Variants in USP2 observed in about 807,000 individuals in gnomAD.
USP2 encodes ubiquitin specific peptidase 2, also known as ubiquitin carboxyl-terminal hydrolase 2.
A neutral mutation model predicts 72.0 loss-of-function variants in USP2; 33 were observed. The ratio of observed to expected loss-of-function variants is 0.46; its 90% CI spans 0.35 to 0.61. The LOEUF (loss-of-function observed/expected upper bound fraction) is 0.61, where lower values mean the gene tolerates loss of function less well. USP2 is among the 20% of genes least tolerant of loss of function. USP2 has a pLI of 0.01. For missense variants in USP2, 691 were observed against 797.8 expected (o/e 0.87, Z 1.61); for synonymous variants, 296 against 312.5 (o/e 0.95, Z 0.56).
chr11:119,379,142 A>G, intron 1 of USP2: 2 of 985,474 alleles, frequency 2.0e-6, no homozygotes, highest in Non-Finnish European at 2.4e-6. Context: ...ACTCCGATAT[A>G]TATAGTATCT....
chr11:119,372,636 C>T (rs1177658448), intron 2 of USP2, 71 bp downstream of exon 2: 39 of 1,434,944 alleles, frequency 2.7e-5, no homozygotes, highest in Non-Finnish European at 3.4e-5. Flanking sequence ...GGGAGTCGAG[C>T]CCTCAGCCTG....
chr11:119,359,158 A>G (rs1950721658), intron 5 of USP2, 24 bp from the exon 6 acceptor site: 2 of 1,613,242 alleles, frequency 1.2e-6, no homozygotes, highest in South Asian at 2.2e-5. Context: ...AAGGAGGGTG[A>G]GCAACACCTC....
rs761543830 is a variant in USP2, at chr11:119,358,813, C to T, written c.1197G>A (p.Met399Ile). ...CTTCCCGTTCTAGATATTTTCTCCA[C>T]ATCTGTCGGCCTTTCTCGTCATCAC... ...HLPDDEKGRQ[M>I]WRKYLEREDS... The change falls in exon 7 of 13, where the codon ATG (methionine) becomes ATA (isoleucine). Residue 399 changes from methionine to isoleucine, a missense_variant. Transcript: ENST00000260187. 1.9e-6 allele frequency: 3 copies of T among 1,614,108 alleles called. No homozygotes were observed. Among genetic ancestry groups the T allele is most frequent in the South Asian group, 1.1e-5 (1 of 91,086 alleles).
intron 1 of USP2, among the ~76,000 whole-genome samples, chr11:119,374,746 G>A (rs980531350): frequency 3.3e-5 from 5 of 152,148 alleles, no homozygotes; most frequent in African/African-American, 7.2e-5. Flanking sequence ...GGCATCAGGG[G>A]CTCTTGGGGG....
Position 119,381,499 on chromosome 11 carries a change from T to G in USP2, c.-68A>C. ...TGCCTCTTCTTGGAGTATGGACGAG[T>G]CGAACCGGGCACAAGCATGGAGCTG... On this transcript the variant is annotated 5_prime_UTR_variant, in exon 1 of 13. Coordinates refer to ENST00000260187, the MANE Select transcript of USP2 (RefSeq NM_004205.5). The G allele has an allele frequency of 6.5e-7, 1 of 1,535,972 alleles. No individual in the cohort carries two copies. Among genetic ancestry groups the G allele is most frequent in the South Asian group, 1.2e-5 (1 of 84,050 alleles).
chr11:119,360,465 C>T lies in USP2; in HGVS notation c.775-231G>A, dbSNP rs539326366. The T allele has an allele frequency of 2.2e-5, 13 of 588,012 alleles. 1 individual carries two copies. The East Asian group carries it at 2.5e-4, about 11-fold the overall frequency. 36.4% of individuals were successfully genotyped at this position (588,012 alleles called of 1,614,324 possible). ...TTGAGACGGAATCTCACGCTGTCACCCAGGCTGGAGTGCAGTGGTACGATC... is the reference window on the plus strand; with the variant it reads ...TTGAGACGGAATCTCACGCTGTCACTCAGGCTGGAGTGCAGTGGTACGATC... On this transcript the variant is annotated intron_variant, in intron 2 of 12. Transcript: ENST00000260187.
chr11:119,367,866 G>A lies in USP2; in HGVS notation c.774+4841C>T, dbSNP rs543893737. On this transcript the variant is annotated intron_variant, in intron 2 of 12. Transcript: ENST00000260187. ...TTCTGCAGCTGGTGGTCAGTGGAGC[G>A]GCTCCCCCAGGGGCAAGGAACATTT... is the stretch of plus-strand genomic sequence containing the variant. 5.3e-5 allele frequency among the ~76,000 whole-genome samples: 8 copies of A among 152,294 alleles called. No individual in the cohort carries two copies. In the South Asian group the frequency reaches 8.3e-4, roughly 16 times the overall value.
At position 119,358,820 on chromosome 11, in the gene USP2, C is replaced by A. The variant is rs764894922; in HGVS notation, c.1190G>T (p.Arg397Leu). The change falls in exon 7 of 13, where the codon CGA becomes CTA. Residue 397 changes from arginine (R) to leucine (L), a missense_variant. Physicochemically the swap from Arg to Leu is moderately radical, Grantham distance 102. Transcript: ENST00000260187. Reference sequence around the variant, plus strand: ...TTCTAGATATTTTCTCCACATCTGTCGGCCTTTCTCGTCATCACTGGGAAC... The same window carrying A: ...TTCTAGATATTTTCTCCACATCTGTAGGCCTTTCTCGTCATCACTGGGAAC... Reference protein sequence around the residue: ...LDHLPDDEKGRQMWRKYLERE... With the variant: ...LDHLPDDEKGLQMWRKYLERE... The A allele has an allele frequency of 1.2e-6, 2 of 1,613,914 alleles. No homozygotes were observed. Among genetic ancestry groups the A allele is most frequent in the African/African-American group, 1.3e-5 (1 of 74,928 alleles).
intron 2 of USP2, chr11:119,364,152 C>T: frequency 8.3e-7 from 1 of 1,211,280 alleles, no homozygotes; most frequent in East Asian, 3.3e-5. Context: ...TCCGCCTCAA[C>T]CTCCCCGGCG....
chr11:119,372,863 G>A lies in USP2; in HGVS notation c.618C>T (p.Gly206=). ...VDYLENYGRK[G]SASQVPSQAP... ...CCTGGGAGGGCACCTGAGATGCACT[G>A]CCCTTGCGACCATAGTTCTCCAGGT... is the stretch of plus-strand genomic sequence containing the variant. The change falls in exon 2 of 13, where the codon GGC becomes GGT. Residue 206 remains glycine, a synonymous_variant. Coordinates refer to ENST00000260187, the MANE Select transcript of USP2 (RefSeq NM_004205.5). 1 of 1,607,826 alleles carries A rather than the reference G, an allele frequency of 6.2e-7. No individual in the cohort carries two copies. The highest frequency in any genetic ancestry group is 8.5e-7 in the Non-Finnish European group (1 of 1,177,616).
intron 10 of USP2, 74 bp downstream of exon 10, chr11:119,357,683 C>G (rs1950689977): frequency 7.4e-6 from 12 of 1,613,362 alleles, no homozygotes; most frequent in Non-Finnish European, 1.0e-5. Flanking sequence ...CCGACTGTTC[C>G]CCTCACCTAT....
chr11:119,360,274 G>A (rs752384672), intron 2 of USP2, 40 bp from the exon 3 acceptor site: 6 of 1,608,624 alleles, frequency 3.7e-6, no homozygotes, highest in African/African-American at 1.3e-5. Context: ...TGGAAGCAAA[G>A]ATGCTAGGCC....
chr11:119,376,127 CAT>C, intron 1 of USP2: 1 of 970,676 alleles, frequency 1.0e-6, no homozygotes, highest in Non-Finnish European at 1.2e-6. Context: ...GGGCCTTCCA[CAT>C]GTCTCTCCCC....
At chr11:119,357,017 T>C in intron 12 of USP2, 95 bp from the exon 13 acceptor site, 1 of 1,445,508 alleles carries the variant, frequency 6.9e-7, no homozygotes, top group South Asian at 1.2e-5. Flanking sequence ...CGGCCTGCCT[T>C]TCAGGGAGCC....
intron 2 of USP2, chr11:119,364,211 C>T (rs1401685788): frequency 2.7e-6 from 3 of 1,127,100 alleles, no homozygotes; most frequent in African/African-American, 1.6e-5. Context: ...GGCCGACTGG[C>T]GGCCCCGCCG....
Position 119,356,817 on chromosome 11 carries a change from G to C in USP2, c.*18C>G. ...CGGGGCCACCACGGGGAAGGGAGAA[G>C]GGACGTGGCTCCTGGCGCTACATTC... is the stretch of plus-strand genomic sequence containing the variant. On this transcript the variant is annotated 3_prime_UTR_variant, in exon 13 of 13. Coordinates refer to ENST00000260187, the MANE Select transcript of USP2 (RefSeq NM_004205.5). 6.4e-7 allele frequency: 1 copy of C among 1,551,630 alleles called. No homozygotes were observed. The highest frequency in any genetic ancestry group is 8.7e-7 in the Non-Finnish European group (1 of 1,147,450).
chr11:119,372,915 GC>G lies in USP2; in HGVS notation c.565del (p.Ala189ProfsTer70), dbSNP rs1355281598. 8.1e-6 allele frequency: 13 copies of G among 1,612,212 alleles called. No homozygotes were observed. The highest frequency in any genetic ancestry group is 1.1e-5 in the Non-Finnish European group (13 of 1,179,474). On this transcript the variant is annotated frameshift_variant, in exon 2 of 13. Transcript: ENST00000260187. LOFTEE classifies it high-confidence loss of function. ...GTCGACCAGGTATTCAGGGCAGCTG[GC>G]TGTCTGGTAGAGCCCCTGCAGGGTG... ...LCTLQGLYQT[A>X]SCPEYLVDYL... is the part of the protein sequence containing the mutation.
chr11:119,356,398 G>A lies in USP2; in HGVS notation c.*437C>T, dbSNP rs1950651672. ...TCATGGCTCTGGACCGGCGAGCCGT[G>A]CGGGTGGAGATGGGCGCCGGCTCCT... On this transcript the variant is annotated 3_prime_UTR_variant, in exon 13 of 13. Transcript: ENST00000260187. 6.1e-6 allele frequency: 1 copy of A among 164,540 alleles called. No homozygotes were observed. Among genetic ancestry groups the A allele is most frequent in the African/African-American group, 2.4e-5 (1 of 41,700 alleles). 10.2% of individuals were successfully genotyped at this position (164,540 alleles called of 1,614,324 possible).
chr11:119,375,892 G>A (rs1950994198), intron 1 of USP2, among the ~76,000 whole-genome samples: 2 of 152,220 alleles, frequency 1.3e-5, no homozygotes, highest in African/African-American at 4.8e-5. Flanking sequence ...AGCTCTGAAA[G>A]GCTTTGGAGC....
Sources: allele counts gnomAD v4.1 joint callset (sites outside exome capture counted in the v4.1 genomes callset), GRCh38; gene constraint gnomAD v4.1.1; transcripts MANE v1.5; gene names NCBI Gene and HGNC (gene_info 2026-07-23, HGNC 2026-07-21).